The following CCR3 variants were observed in gnomAD, a reference collection of about 807,000 sequenced individuals.
The protein encoded by CCR3 is C-C chemokine receptor type 3.
For missense variants in CCR3, 419 were observed against 437.5 expected (o/e 0.96, Z 0.38); for synonymous variants, 203 against 179.2 (o/e 1.13, Z -1.06).
At chr3:46,221,929 C>T (rs927593646) in intron 2 of CCR3, among the ~76,000 whole-genome samples, 6 of 152,166 alleles carry the variant, frequency 3.9e-5, no homozygotes, top group East Asian at 1.9e-4. Flanking sequence ...TTCCTCTTCC[C>T]GTGTGCCCCC....
chr3:46,214,774 G>A (rs912524319), intron 2 of CCR3, among the ~76,000 whole-genome samples: 1 of 152,148 alleles, frequency 6.6e-6, no homozygotes, highest in African/African-American at 2.4e-5. Flanking sequence ...CAGTGTGGAT[G>A]ATGTAGGGAA....
At chr3:46,250,339 G>A (rs1700280747) in intron 1 of CCR3, among the ~76,000 whole-genome samples, 1 of 152,068 alleles carries the variant, frequency 6.6e-6, no homozygotes, top group Admixed American at 6.6e-5. Flanking sequence ...GGCCTGGCAA[G>A]GAGGGGAGAG....
intron 1 of CCR3, among the ~76,000 whole-genome samples, chr3:46,246,924 T>C (rs1320914767): frequency 6.6e-6 from 1 of 151,668 alleles, no homozygotes; most frequent in African/African-American, 2.4e-5. Flanking sequence ...AGGGGTGATA[T>C]TGTGGGGATG....
intron 2 of CCR3, among the ~76,000 whole-genome samples, chr3:46,233,726 C>G (rs1699993601): frequency 6.6e-6 from 1 of 152,196 alleles, no homozygotes; most frequent in East Asian, 1.9e-4. Flanking sequence ...ACGAGCCATT[C>G]TGGACCTTGG....
At chr3:46,211,530 C>T (rs1575481390) in intron 2 of CCR3, among the ~76,000 whole-genome samples, 1 of 151,972 alleles carries the variant, frequency 6.6e-6, no homozygotes, top group African/African-American at 2.4e-5. Context: ...CCATGCCTGA[C>T]CTAGATTTGC....
At chr3:46,259,170 G>C (rs2125934243) in intron 1 of CCR3, among the ~76,000 whole-genome samples, 1 of 152,302 alleles carries the variant, frequency 6.6e-6, no homozygotes, top group Middle Eastern at 3.4e-3. Context: ...TTCAACTTCA[G>C]CTTGCAGGAC....
chr3:46,231,584 C>G (rs1000819397), intron 2 of CCR3, among the ~76,000 whole-genome samples: 1 of 152,168 alleles, frequency 6.6e-6, no homozygotes, highest in African/African-American at 2.4e-5. Context: ...AACAACACTG[C>G]ATCGTATACT....
At chr3:46,248,656 G>A in intron 1 of CCR3, among the ~76,000 whole-genome samples, 1 of 152,184 alleles carries the variant, frequency 6.6e-6, no homozygotes, top group African/African-American at 2.4e-5. Context: ...CTGAAGTAAT[G>A]GGGGCTGTCT....
rs570345529 is a variant in CCR3 at position 46,265,542 on chromosome 3, A to G, written c.384A>G (p.Thr128=). ...AGATCTTTTTCATAATCCTGCTGAC[A>G]ATCGACAGGTACCTGGCCATTGTCC... is the stretch of plus-strand genomic sequence containing the variant. The part of the protein sequence containing the change: ...YSEIFFIILL[T]IDRYLAIVHA... The change falls in exon 2 of 2, where the codon ACA becomes ACG. Residue 128 remains threonine, a synonymous_variant. Transcript: ENST00000395940. 1 of 1,614,120 alleles carries G rather than the reference A, an allele frequency of 6.2e-7. No homozygotes were observed. The highest frequency in any genetic ancestry group is 2.2e-5 in the East Asian group (1 of 44,872).
chr3:46,237,198 G>A (rs1485113265), intron 2 of CCR3, among the ~76,000 whole-genome samples: 3 of 152,194 alleles, frequency 2.0e-5, no homozygotes, highest in Admixed American at 1.3e-4. Context: ...GTATCCCTTT[G>A]ATATACTGAT....
chr3:46,212,533 C>G (rs1476114828), intron 2 of CCR3, among the ~76,000 whole-genome samples: 2 of 150,818 alleles, frequency 1.3e-5, no homozygotes, highest in Non-Finnish European at 3.0e-5. Context: ...CCTCTCTTTC[C>G]ACCTCCCCTC....
intron 2 of CCR3, among the ~76,000 whole-genome samples, chr3:46,233,765 C>G (rs1261254362): frequency 6.6e-6 from 1 of 152,194 alleles, no homozygotes; most frequent in Non-Finnish European, 1.5e-5. Context: ...TGGTTTCCTT[C>G]AGGTTTGATG....
At chr3:46,230,987 C>T (rs904637547) in intron 2 of CCR3, among the ~76,000 whole-genome samples, 2 of 152,138 alleles carry the variant, frequency 1.3e-5, no homozygotes, top group African/African-American at 2.4e-5. Flanking sequence ...TGCAGTGGCG[C>T]GATCTTGGCT....
At chr3:46,231,274 C>T (rs1224223554) in intron 2 of CCR3, among the ~76,000 whole-genome samples, 1 of 152,206 alleles carries the variant, frequency 6.6e-6, no homozygotes, top group Non-Finnish European at 1.5e-5. Flanking sequence ...GGATGAGATG[C>T]AAAACAGCAC....
intron 1 of CCR3, among the ~76,000 whole-genome samples, chr3:46,244,423 A>C (rs1318738021): frequency 6.6e-6 from 1 of 152,234 alleles, no homozygotes; most frequent in Non-Finnish European, 1.5e-5. Flanking sequence ...GTGAGCAATA[A>C]AGCTTTTTAA....
chr3:46,215,575 A>T (rs1699764633), intron 2 of CCR3, among the ~76,000 whole-genome samples: 1 of 152,162 alleles, frequency 6.6e-6, no homozygotes, highest in African/African-American at 2.4e-5. Context: ...TTTTTATCAG[A>T]TCCCCAAGGG....
intron 2 of CCR3, among the ~76,000 whole-genome samples, chr3:46,234,716 G>C (rs1700005721): frequency 6.6e-6 from 1 of 152,180 alleles, no homozygotes; most frequent in South Asian, 2.1e-4. Flanking sequence ...CCATATTCCT[G>C]TCGATAATTT....
chr3:46,237,303 T>C (rs1418058390), intron 2 of CCR3, among the ~76,000 whole-genome samples: 1 of 152,240 alleles, frequency 6.6e-6, no homozygotes, highest in Non-Finnish European at 1.5e-5. Context: ...TTGTTTTTGT[T>C]GAGTTGCTTG....
rs1056476575 is a variant in CCR3 at position 46,266,558 on chromosome 3, A to G, written c.*332A>G. 1 of 229,270 alleles carries G rather than the reference A, an allele frequency of 4.4e-6. No individual in the cohort carries two copies. Among genetic ancestry groups the G allele is most frequent in the African/African-American group, 2.3e-5 (1 of 43,748 alleles). The allele number at this position is 229,270 out of a possible 1,614,324, so 14.2% of individuals were successfully genotyped here. ...AAAAAGGTAAAACTTTTTATATTTT[A>G]TACATTAACTTCAGCCAGCTATTGA... On this transcript the variant is annotated 3_prime_UTR_variant, in exon 2 of 2. Coordinates refer to ENST00000395940, the MANE Select transcript of CCR3 (RefSeq NM_178329.3).
Sources: allele counts gnomAD v4.1 joint callset (sites outside exome capture counted in the v4.1 genomes callset), GRCh38; gene constraint gnomAD v4.1.1; transcripts MANE v1.5; gene names NCBI Gene and HGNC (gene_info 2026-07-23, HGNC 2026-07-21).